Variants in ABCA7 observed in about 807,000 individuals in gnomAD.
ABCA7 encodes the protein phospholipid-transporting ATPase ABCA7.
In ABCA7, 261 loss-of-function variants were observed where a neutral mutation model predicts 227.6. That is an observed-to-expected ratio of 1.15 (90% CI 1.04 to 1.27). The LOEUF (loss-of-function observed/expected upper bound fraction) is 1.27, where lower values mean the gene tolerates loss of function less well. Ranked by LOEUF, ABCA7 falls within the 50% of genes most tolerant of loss-of-function variation. The pLI is 0.00. For missense variants in ABCA7, 3,331 were observed against 2,924.5 expected, an observed-to-expected ratio of 1.14 and a Z score of -3.21; for synonymous variants, 1,488 against 1,279.7, an observed-to-expected ratio of 1.16 and a Z score of -3.47.
intron 6 of ABCA7, 115 bp downstream of exon 6, chr19:1,042,512 G>A (rs1432217329): frequency 3.0e-6 from 4 of 1,315,842 alleles, no homozygotes; most frequent in Non-Finnish European, 4.3e-6. Flanking sequence ...GGCTGTCCCT[G>A]GTCTCTGCGG....
rs536917407 is a variant in ABCA7, at chr19:1,051,243, C to T, written c.2773C>T (p.Gln925Ter). Reference sequence around the variant, plus strand: ...GGGCCCCGAGCAGGACCGTCTGCTGCAGGATGTGGGGCTGGTCTCCAAGCA... The same window carrying T: ...GGGCCCCGAGCAGGACCGTCTGCTGTAGGATGTGGGGCTGGTCTCCAAGCA... ...VVGPEQDRLL[Q>*]DVGLVSKQSV... The change falls in exon 20 of 47, where the codon CAG (glutamine) becomes TAG (stop). Residue 925 changes from glutamine to a stop codon, truncating the protein, a stop_gained. Coordinates refer to ENST00000263094, the MANE Select transcript of ABCA7 (RefSeq NM_019112.4). LOFTEE classifies it high-confidence loss of function. 21 of 1,609,876 alleles carry T rather than the reference C, an allele frequency of 1.3e-5. No individual in the cohort carries two copies. Among genetic ancestry groups the T allele is most frequent in the Middle Eastern group, 3.3e-4 (2 of 6,008 alleles).
intron 6 of ABCA7, 123 bp downstream of exon 6, chr19:1,042,520 C>A (rs753273359): frequency 2.4e-6 from 3 of 1,273,592 alleles, no homozygotes; most frequent in Non-Finnish European, 2.2e-6. Flanking sequence ...CTGGTCTCTG[C>A]GGTGATGCTG....
intron 25 of ABCA7, 76 bp downstream of exon 25, chr19:1,053,912 T>G: frequency 6.3e-7 from 1 of 1,594,032 alleles, no homozygotes; most frequent in Non-Finnish European, 8.6e-7. Flanking sequence ...CCTGGCTTAG[T>G]GTGGCCCAAG....
Position 1,053,408 on chromosome 19 carries a change from G to A in ABCA7, c.3300G>A (p.Val1100=). The A allele has an allele frequency of 6.2e-7, 1 of 1,608,162 alleles. No individual in the cohort carries two copies. Among genetic ancestry groups the A allele is most frequent in the Non-Finnish European group, 8.5e-7 (1 of 1,178,794 alleles). The change falls in exon 24 of 47, where the codon GTG becomes GTA. Residue 1100 remains valine, a synonymous_variant. Transcript: ENST00000263094. The part of the protein sequence containing the change: ...RLVEELPHEL[V]LVLPYTGAHD... The stretch of plus-strand genomic sequence containing the variant: ...TGGAGGAGCTGCCACACGAGCTGGT[G>A]CTGGTGCTGCCCTACACGGGTGCCC...
intron 23 of ABCA7, among the ~76,000 whole-genome samples, chr19:1,052,898 ATC>A (rs2041904050): frequency 2.0e-5 from 3 of 151,756 alleles, no homozygotes; most frequent in African/African-American, 7.3e-5. Context: ...TGCCCTCAAG[ATC>A]TCTTTTTGTT....
At chr19:1,044,952 T>A (rs1200367950) in intron 11 of ABCA7, 50 bp from the exon 12 acceptor site, 11 of 1,596,614 alleles carry the variant, frequency 6.9e-6, no homozygotes, top group Non-Finnish European at 9.4e-6. Context: ...CGGAGTGGTC[T>A]AGGAGGCAGG....
Position 1,057,069 on chromosome 19 carries a change from C to A in ABCA7, c.4749C>A (p.Asn1583Lys), listed in dbSNP as rs2042319162. ...GLSPTLYWLG[N>K]FLWDMCNYLV... is the part of the protein sequence containing the mutation. ...CCCCCACCCTCTACTGGCTTGGCAA[C>A]TTTCTCTGGGACATGGTGCGGGGGC... Residue 1583 changes from asparagine (N) to lysine (K), a missense_variant, in exon 34 of 47, where the codon AAC becomes AAA. Transcript: ENST00000263094. 6.2e-7 allele frequency: 1 copy of A among 1,612,814 alleles called. No homozygotes were observed. The highest frequency in any genetic ancestry group is 8.5e-7 in the Non-Finnish European group (1 of 1,179,734).
intron 30 of ABCA7, 99 bp from the exon 31 acceptor site, chr19:1,055,808 C>A: frequency 7.7e-7 from 1 of 1,298,320 alleles, no homozygotes; most frequent in South Asian, 1.6e-5. Flanking sequence ...GGCTTTCTTT[C>A]CTGTTTTTGT....
chr19:1,043,574 C>T, intron 9 of ABCA7, 101 bp downstream of exon 9: 10 of 1,591,064 alleles, frequency 6.3e-6, no homozygotes, highest in Non-Finnish European at 8.6e-6. Flanking sequence ...GTCACGGAAA[C>T]TATTTGAAGA....
At chr19:1,041,148 C>T (rs2039995710) in intron 1 of ABCA7, 77 bp from the exon 2 acceptor site, 1 of 606,252 alleles carries the variant, frequency 1.6e-6, no homozygotes, top group Non-Finnish European at 3.0e-6. Context: ...GCGGGTTGCG[C>T]TCCCATTGGT....
At chr19:1,044,110 T>A (rs543882710) in intron 10 of ABCA7, among the ~76,000 whole-genome samples, 11 of 151,570 alleles carry the variant, frequency 7.3e-5, no homozygotes, top group East Asian at 3.9e-4. Flanking sequence ...ATGATTTTTT[T>A]TTTTTATTTT....
In ABCA7 at chr19:1,054,910, C is replaced by G; in HGVS notation, c.3950+32C>G. ...CGTCTTGTTGGCCTGGACCTTTCCCCTCTCTGGCCTCAGTTTTCCCATCTG... is the reference window on the plus strand; with the variant it reads ...CGTCTTGTTGGCCTGGACCTTTCCCGTCTCTGGCCTCAGTTTTCCCATCTG... On this transcript the variant is annotated intron_variant, in intron 29 of 46. Transcript: ENST00000263094. This position sits in a 1 kb window ranked among gnomAD's most constrained non-coding sequence, Gnocchi z 4.8. 1 of 1,547,784 alleles carries G rather than the reference C, an allele frequency of 6.5e-7. No homozygotes were observed. Among genetic ancestry groups the G allele is most frequent in the Non-Finnish European group, 8.8e-7 (1 of 1,142,152 alleles).
intron 40 of ABCA7, among the ~76,000 whole-genome samples, chr19:1,061,569 G>A (rs1020187519): frequency 3.3e-5 from 5 of 151,366 alleles, no homozygotes; most frequent in African/African-American, 1.2e-4. Flanking sequence ...CATGGTGGCA[G>A]GCGTCTGTAG....
chr19:1,054,217 AGG>A lies in ABCA7; in HGVS notation c.3604_3605del (p.Gly1202LeufsTer83), dbSNP rs770863860. ...GCTGGGTCAGCCCCAGAGACTGACC[AGG>A]GCTCTGGGCCAGACGCCGTGGGCCG... is the stretch of plus-strand genomic sequence containing the variant. On this transcript the variant is annotated frameshift_variant, in exon 27 of 47. Transcript: ENST00000263094. LOFTEE classifies it high-confidence loss of function. This position sits in a 1 kb window ranked among gnomAD's most constrained non-coding sequence, Gnocchi z 4.8. 6.2e-7 allele frequency: 1 copy of A among 1,608,768 alleles called. No individual in the cohort carries two copies. The highest frequency in any genetic ancestry group is 1.1e-5 in the South Asian group (1 of 90,876).
chr19:1,052,324 G>A, intron 23 of ABCA7, 38 bp downstream of exon 23: 4 of 1,523,896 alleles, frequency 2.6e-6, no homozygotes, highest in Non-Finnish European at 3.5e-6. Flanking sequence ...CGGGTGGGCA[G>A]TGGGGTGGCT....
rs754905789 is a variant in ABCA7 at position 1,063,593 on chromosome 19, G to A, written c.5762G>A (p.Arg1921Gln). 19 of 1,611,054 alleles carry A rather than the reference G, an allele frequency of 1.2e-5. No individual in the cohort carries two copies. In the African/African-American group the frequency reaches 1.9e-4, roughly 16 times the overall value. ...CTGGGACTCTCATGGTACGCAGACC[G>A]GCCTGCAGGCACCTACAGCGGAGGG... ...ARLGLSWYAD[R>Q]PAGTYSGGNK... The change falls in exon 43 of 47, where the codon CGG (arginine) becomes CAG (glutamine). Residue 1921 changes from arginine (R) to glutamine (Q), a missense_variant. By Grantham distance (43) the Arg-to-Gln change is conservative. Coordinates refer to ENST00000263094, the MANE Select transcript of ABCA7 (RefSeq NM_019112.4).
In ABCA7 at chr19:1,046,999, C is replaced by T; in HGVS notation, c.1820C>T (p.Ala607Val). Reference sequence around the variant, plus strand: ...TGCCTCGGGCCCTTCCTGCTCAGCGCCGCACTGCTGGTTCTGGTGCTCAAG... The same window carrying T: ...TGCCTCGGGCCCTTCCTGCTCAGCGTCGCACTGCTGGTTCTGGTGCTCAAG... ...LSCLGPFLLS[A>V]ALLVLVLKLG... Residue 607 changes from alanine to valine, a missense_variant, in exon 14 of 47, where the codon GCC (alanine) becomes GTC (valine). Ala to Val is a moderately conservative substitution (Grantham distance 64, BLOSUM62 0). Transcript: ENST00000263094. 1 of 1,576,382 alleles carries T rather than the reference C, an allele frequency of 6.3e-7. No homozygotes were observed.
intron 44 of ABCA7, 131 bp downstream of exon 44, chr19:1,063,994 G>T: frequency 7.4e-7 from 1 of 1,353,642 alleles, no homozygotes; most frequent in South Asian, 1.5e-5. Context: ...GCCCCGGGGT[G>T]TAAGGACACA....
intron 2 of ABCA7, 36 bp from the exon 3 acceptor site, chr19:1,041,474 A>G (rs1396815686): frequency 6.2e-7 from 1 of 1,613,226 alleles, no homozygotes; most frequent in African/African-American, 1.3e-5. Context: ...GGCAGCCCCC[A>G]CTGTCCCCCA....
Sources: gnomAD v4.1 joint callset for allele counts (sites outside exome capture counted in the v4.1 genomes callset) on GRCh38, gnomAD v4.1.1 for gene constraint, Gnocchi (gnomAD v3.1) non-coding constraint, MANE v1.5 for transcripts, NCBI Gene and HGNC (gene_info 2026-07-23, HGNC 2026-07-21) for gene names.